The following RBM10 variants were observed in gnomAD, a reference collection of about 807,000 sequenced individuals.
RBM10 encodes the protein RNA-binding protein 10.
In RBM10, 1 loss-of-function variant was observed where a neutral mutation model predicts 84.9. The observed-to-expected ratio is 0.01, with a 90% CI of 0.00 to 0.06. The LOEUF (loss-of-function observed/expected upper bound fraction) is 0.06. Ranked by LOEUF, RBM10 falls within the 10% of genes least tolerant of loss-of-function variation. The probability of loss-of-function intolerance (pLI) is 1.00; values close to 1 mark genes in which losing one functional copy is unlikely to be tolerated. For synonymous variants in RBM10, 326 were observed against 344.5 expected (o/e 0.95, Z 0.60); for missense variants, 438 against 839.0 (o/e 0.52, Z 5.90).
rs1488339832 is a variant in RBM10 at position 47,179,294 on chromosome X, G to C, written c.725-25G>C. The C allele has an allele frequency of 2.5e-6, 3 of 1,191,066 alleles. No individual in the cohort carries two copies. The African/African-American group carries it at 5.3e-5, about 21-fold the overall frequency. ...TCGTGGAGCCTTCCCCTTATCACCA[G>C]CCTGTCTCCCACTGCCCCTGACAGA... is the stretch of plus-strand genomic sequence containing the variant. On this transcript the variant is annotated intron_variant, in intron 8 of 23. Coordinates refer to ENST00000377604, the MANE Select transcript of RBM10 (RefSeq NM_005676.5).
At chrX:47,179,849 G>T (rs782366348) in intron 9 of RBM10, 31 bp from the exon 10 acceptor site, 48 of 1,185,752 alleles carry the variant, frequency 4.0e-5, no homozygotes, top group African/African-American at 2.5e-4. Context: ...AGTGCCAGGG[G>T]TGTCCTCTAA....
Position 47,145,504 on chromosome X carries a change from C to A in RBM10, c.-126+19C>A. 1 of 1,145,625 alleles carries A rather than the reference C, an allele frequency of 8.7e-7. No individual in the cohort carries two copies. Among genetic ancestry groups the A allele is most frequent in the Non-Finnish European group, 1.2e-6 (1 of 868,331 alleles). The allele number at this position is 1,145,625 out of a possible 1,213,427, so 94.4% of individuals were successfully genotyped here. ...CGAGAAGGTGAGCGTCGACGCTGGT[C>A]GTGGGGGCGGAGGTAAGGGGCCCGG... On this transcript the variant is annotated intron_variant, in intron 1 of 23. Transcript: ENST00000377604.
In RBM10 at chrX:47,182,039, C is replaced by T. The variant is rs1556780082; in HGVS notation, c.1782C>T (p.Ser594=). Residue 594 remains serine (S), a synonymous_variant, in exon 16 of 24, where the codon TCC becomes TCT. Transcript: ENST00000377604. ...PQTGLYYDPN[S]QYYYNAQSQQ... ...CCGGCCTCTACTATGACCCCAACTC[C>T]CAGGTAATAGGGCAGCCCAGGGAGG... The T allele has an allele frequency of 8.3e-7, 1 of 1,211,689 alleles. No homozygotes were observed. The highest frequency in any genetic ancestry group is 1.1e-6 in the Non-Finnish European group (1 of 895,506).
chrX:47,180,948 A>C (rs1051109206), intron 12 of RBM10, among the ~76,000 whole-genome samples: 1 of 111,893 alleles, frequency 8.9e-6, no homozygotes, highest in African/African-American at 3.3e-5. Context: ...CCTGACACCC[A>C]ACACACACGC....
chrX:47,171,425 C>T (rs1021768202), intron 4 of RBM10, among the ~76,000 whole-genome samples, 167 bp downstream of exon 4: 2 of 112,534 alleles, frequency 1.8e-5, no homozygotes, highest in Non-Finnish European at 3.8e-5. Context: ...CAGGTCCCAT[C>T]GGCCCCCCGG....
chrX:47,160,005 C>T (rs1239557585), intron 2 of RBM10, among the ~76,000 whole-genome samples: 1 of 111,725 alleles, frequency 9.0e-6, no homozygotes, highest in African/African-American at 3.3e-5. Context: ...GGCGTGGTGG[C>T]GCATGCCTAT....
intron 6 of RBM10, among the ~76,000 whole-genome samples, 169 bp downstream of exon 6, chrX:47,175,261 T>C (rs1556775609): frequency 1.1e-5 from 1 of 91,649 alleles, no homozygotes; most frequent in East Asian, 4.3e-4. Flanking sequence ...TTCCCATCTC[T>C]CGCTACCCCA....
At position 47,176,596 on chromosome X, in the gene RBM10, C is replaced by T. The variant is rs781914810; in HGVS notation, c.663+10C>T. On this transcript the variant is annotated intron_variant, in intron 7 of 23. Coordinates refer to ENST00000377604, the MANE Select transcript of RBM10 (RefSeq NM_005676.5). Reference sequence around the variant, plus strand: ...CTGGCTGTGCAATAAGGTACAGGGGCGGTGGGCAGCAGTTGTCATGGACAG... The same window carrying T: ...CTGGCTGTGCAATAAGGTACAGGGGTGGTGGGCAGCAGTTGTCATGGACAG... 25 of 1,208,269 alleles carry T rather than the reference C, an allele frequency of 2.1e-5. No individual in the cohort carries two copies. Among genetic ancestry groups the T allele is most frequent in the Non-Finnish European group, 2.7e-5 (24 of 894,766 alleles).
At chrX:47,165,534 A>G (rs1483851735) in intron 2 of RBM10, among the ~76,000 whole-genome samples, 2 of 77,379 alleles carry the variant, frequency 2.6e-5, no homozygotes, top group African/African-American at 9.8e-5. Context: ...AAAAAAAAAA[A>G]GAGGCTGGGC....
chrX:47,162,590 T>C (rs1255332494), intron 2 of RBM10, among the ~76,000 whole-genome samples: 1 of 111,308 alleles, frequency 9.0e-6, no homozygotes, highest in Non-Finnish European at 1.9e-5. Context: ...GAATAGAGTA[T>C]GGAGGCCGGG....
At chrX:47,174,955 G>T (rs1482978005) in intron 5 of RBM10, 64 bp from the exon 6 acceptor site, 9 of 1,006,626 alleles carry the variant, frequency 8.9e-6, no homozygotes, top group Non-Finnish European at 1.3e-5. Flanking sequence ...CCCGCCCCCG[G>T]GAACGCCGTG....
At chrX:47,145,621 GTTTTTTTTTTTTTGGT>G (rs1932069871) in intron 1 of RBM10, 136 bp downstream of exon 1, 14 of 186,656 alleles carry the variant, frequency 7.5e-5, no homozygotes, top group Admixed American at 2.9e-4. Context: ...ACCCGGGAGG[GTTTTTTTTTTTTTGGT>G]TTTTTTTTTT....
At chrX:47,184,440 G>C (rs1935760993) in intron 17 of RBM10, among the ~76,000 whole-genome samples, 1 of 112,713 alleles carries the variant, frequency 8.9e-6, no homozygotes, top group Non-Finnish European at 1.9e-5. Context: ...CGGGATAAAG[G>C]CTCCACCTGT....
intron 2 of RBM10, among the ~76,000 whole-genome samples, chrX:47,154,717 C>T (rs1171008893): frequency 9.1e-6 from 1 of 109,667 alleles, no homozygotes; most frequent in African/African-American, 3.3e-5. Flanking sequence ...TCCGAAAGTG[C>T]TGGGATTACA....
At position 47,179,092 on chromosome X, in the gene RBM10, G is replaced by A. The variant is rs782694155; in HGVS notation, c.664-11G>A. On this transcript the variant is annotated splice_polypyrimidine_tract_variant and intron_variant, in intron 7 of 23. Transcript: ENST00000377604. The stretch of plus-strand genomic sequence containing the variant: ...CCTGCTCCCTCTGACGGCCTGGCCT[G>A]TGCCTCACAGTGTGGCGTCCAGAAC... 47 of 1,205,038 alleles carry A rather than the reference G, an allele frequency of 3.9e-5. No individual in the cohort carries two copies. Among genetic ancestry groups the A allele is most frequent in the Non-Finnish European group, 5.2e-5 (46 of 892,572 alleles).
chrX:47,147,905 A>T (rs887527252), intron 2 of RBM10, among the ~76,000 whole-genome samples: 13 of 111,521 alleles, frequency 1.2e-4, no homozygotes, highest in African/African-American at 3.9e-4. Flanking sequence ...TACAGTTGGC[A>T]TGATACTTGC....
intron 2 of RBM10, among the ~76,000 whole-genome samples, chrX:47,155,094 C>G (rs1254793474): frequency 9.9e-6 from 1 of 101,254 alleles, no homozygotes; most frequent in Non-Finnish European, 2.0e-5. Context: ...TTGCAGTGAG[C>G]CAAGATCACG....
Position 47,179,474 on chromosome X carries a change from A to G in RBM10, c.880A>G (p.Ser294Gly), listed in dbSNP as rs2147169549. The change falls in exon 9 of 24, where the codon AGC becomes GGC. Residue 294 changes from serine to glycine, a missense_variant. Around this residue, in one of 8 missense-constraint regions of RBM10, gnomAD observed 36 missense variants for 45.3 expected, o/e 0.79. Transcript: ENST00000377604. ...SQALSQGSEP[S>G]SENANDTIIL... ...AGCCCTGTCACAGGGCTCGGAGCCAAGCTCAGAGAACGCCAATGACAGTGA... is the reference window on the plus strand; with the variant it reads ...AGCCCTGTCACAGGGCTCGGAGCCAGGCTCAGAGAACGCCAATGACAGTGA... 1.7e-6 allele frequency: 2 copies of G among 1,202,004 alleles called. No individual in the cohort carries two copies. Among genetic ancestry groups the G allele is most frequent in the South Asian group, 1.8e-5 (1 of 56,732 alleles).
chrX:47,155,141 C>G (rs1336110508), intron 2 of RBM10, among the ~76,000 whole-genome samples: 10 of 94,726 alleles, frequency 1.1e-4, no homozygotes, highest in Non-Finnish European at 1.5e-4. Context: ...TGCGAGACTC[C>G]CTCTCAAAAA....
Sources: gnomAD v4.1 joint callset for allele counts (sites outside exome capture counted in the v4.1 genomes callset) on GRCh38, gnomAD v4.1.1 for gene constraint, gnomAD v4.1.1 regional missense constraint, MANE v1.5 for transcripts, NCBI Gene and HGNC (gene_info 2026-07-23, HGNC 2026-07-21) for gene names.